The following BLNK variants were observed in gnomAD, a reference collection of about 807,000 sequenced individuals.
BLNK encodes B cell linker.
Under a neutral mutation model 73.5 loss-of-function variants are expected in BLNK, and 29 were observed. The observed-to-expected ratio is 0.39, with a 90% confidence interval of 0.29 to 0.54. The LOEUF (loss-of-function observed/expected upper bound fraction) is 0.54, where lower values mean the gene tolerates loss of function less well. Ranked by LOEUF, BLNK falls within the 20% of genes least tolerant of loss-of-function variation. The probability of loss-of-function intolerance (pLI) is 0.61; values close to 1 mark genes in which losing one functional copy is unlikely to be tolerated. For synonymous variants in BLNK, 176 were observed against 200.8 expected, an observed-to-expected ratio of 0.88 and a Z score of 1.04; for missense variants, 460 against 562.8, an observed-to-expected ratio of 0.82 and a Z score of 1.85.
intron 16 of BLNK, among the ~76,000 whole-genome samples, chr10:96,195,239 GA>G (rs2083436337): frequency 6.6e-6 from 1 of 152,030 alleles, no homozygotes; most frequent in African/African-American, 2.4e-5. Context: ...AACTGCTATG[GA>G]AAAAAGTATG....
intron 6 of BLNK, among the ~76,000 whole-genome samples, chr10:96,219,894 T>C (rs2134010507): frequency 6.6e-6 from 1 of 152,310 alleles, no homozygotes; most frequent in Middle Eastern, 3.4e-3. Context: ...CTGGCAGTTG[T>C]GCCAATAGGA....
intron 7 of BLNK, 152 bp from the exon 8 acceptor site, chr10:96,215,541 A>C: frequency 1.6e-6 from 1 of 611,208 alleles, no homozygotes; most frequent in East Asian, 2.9e-5. Context: ...TTAGACACAC[A>C]AACCAATAAA....
Position 96,227,559 on chromosome 10 carries a change from T to A in BLNK, c.212A>T (p.Asp71Val). The change falls in exon 5 of 17, where the codon GAC becomes GTC. Residue 71 changes from aspartate to valine, a missense_variant. Physicochemically the swap from Asp to Val is radical, Grantham distance 152 (BLOSUM62 -3). Transcript: ENST00000224337. ...EEQWSDDFDS[D>V]YENPDEHSDS... ...CGAGTGCTCATCTGGATTTTCATAG[T>A]CGCTGTCCTGCAAGTGCAGATGCAG... is the stretch of plus-strand genomic sequence containing the variant. 2.5e-6 allele frequency: 4 copies of A among 1,614,068 alleles called. No individual in the cohort carries two copies. The highest frequency in any genetic ancestry group is 3.4e-6 in the Non-Finnish European group (4 of 1,180,036).
At chr10:96,251,793 C>CTAAGTT (rs1319881802) in intron 1 of BLNK, among the ~76,000 whole-genome samples, 1 of 152,072 alleles carries the variant, frequency 6.6e-6, no homozygotes, top group East Asian at 1.9e-4. Flanking sequence ...TGAATTAAGA[C>CTAAGTT]ACGTAACTTA....
At chr10:96,195,953 A>G (rs1313046222) in intron 16 of BLNK, among the ~76,000 whole-genome samples, 1 of 152,234 alleles carries the variant, frequency 6.6e-6, no homozygotes, top group African/African-American at 2.4e-5. Context: ...GAAGCCAGTT[A>G]CTGTGCTCTG....
intron 3 of BLNK, among the ~76,000 whole-genome samples, 196 bp from the exon 4 acceptor site, chr10:96,231,030 TAGAG>T (rs1172444370): frequency 6.6e-6 from 1 of 152,224 alleles, no homozygotes; most frequent in African/African-American, 2.4e-5. Flanking sequence ...TCTCAAAGCA[TAGAG>T]AGAAGTCCCA....
intron 3 of BLNK, among the ~76,000 whole-genome samples, chr10:96,234,083 G>T (rs1842609122): frequency 6.6e-6 from 1 of 152,204 alleles, no homozygotes; most frequent in South Asian, 2.1e-4. Flanking sequence ...AGGCTACTTG[G>T]CTAGTGAGTT....
chr10:96,228,095 C>CT (rs11286890), intron 4 of BLNK, among the ~76,000 whole-genome samples: 123 of 115,420 alleles, frequency 1.1e-3, no homozygotes, highest in Admixed American at 1.5e-3. Context: ...TCTTTTTTTT[C>CT]TTTTTTTTTT....
chr10:96,213,300 G>C (rs1180543176), intron 8 of BLNK, among the ~76,000 whole-genome samples: 2 of 152,238 alleles, frequency 1.3e-5, no homozygotes, highest in African/African-American at 2.4e-5. Flanking sequence ...GCCAGGTAAA[G>C]CCTCCTGAGC....
At chr10:96,199,983 G>A in intron 15 of BLNK, 92 bp downstream of exon 15, 1 of 889,508 alleles carries the variant, frequency 1.1e-6, no homozygotes, top group Non-Finnish European at 1.5e-6. Flanking sequence ...AGCTGAGATC[G>A]AGCCACTGCA....
chr10:96,265,861 A>G (rs1843974981), intron 1 of BLNK, among the ~76,000 whole-genome samples: 1 of 152,236 alleles, frequency 6.6e-6, no homozygotes, highest in South Asian at 2.1e-4. Flanking sequence ...TGTACAATGT[A>G]GGATGTTTAG....
Position 96,201,051 on chromosome 10 carries a change from T to C in BLNK, c.942A>G (p.Thr314=). ...HQKPIPLPRF[T]EGGNPTVDGP... The stretch of plus-strand genomic sequence containing the variant: ...CATCCACAGTTGGGTTTCCCCCTTC[T>C]GTAAATCCTGAAAGGGATCAGAAAA... The change falls in exon 14 of 17, where the codon ACA becomes ACG. Residue 314 remains threonine, a synonymous_variant. Transcript: ENST00000224337. 6.2e-7 allele frequency: 1 copy of C among 1,613,932 alleles called. No individual in the cohort carries two copies. Among genetic ancestry groups the C allele is most frequent in the Non-Finnish European group, 8.5e-7 (1 of 1,179,794 alleles).
intron 3 of BLNK, among the ~76,000 whole-genome samples, chr10:96,240,818 G>T (rs187021748): frequency 6.6e-6 from 1 of 152,302 alleles, no homozygotes; most frequent in African/African-American, 2.4e-5. Flanking sequence ...AAGACTCCAT[G>T]ATTTTATAAT....
intron 1 of BLNK, among the ~76,000 whole-genome samples, chr10:96,268,083 A>G (rs1220032936): frequency 2.0e-5 from 3 of 152,206 alleles, no homozygotes; most frequent in African/African-American, 7.2e-5. Context: ...TCTTTAATCA[A>G]TAAGATAACT....
At chr10:96,232,968 G>A (rs1343085603) in intron 3 of BLNK, among the ~76,000 whole-genome samples, 7 of 151,978 alleles carry the variant, frequency 4.6e-5, no homozygotes, top group African/African-American at 1.7e-4. Flanking sequence ...ACCATGCCCA[G>A]CTAACTTTTG....
chr10:96,247,934 C>T (rs1322303867), intron 1 of BLNK, among the ~76,000 whole-genome samples: 1 of 152,154 alleles, frequency 6.6e-6, no homozygotes, highest in Non-Finnish European at 1.5e-5. Context: ...CAAGCCCATT[C>T]CTACTCTGTG....
intron 1 of BLNK, 23 bp from the exon 2 acceptor site, chr10:96,247,072 T>G (rs1162730641): frequency 1.3e-6 from 2 of 1,537,250 alleles, no homozygotes; most frequent in African/African-American, 1.4e-5. Flanking sequence ...AAATTAAACA[T>G]AAGATATTAA....
chr10:96,244,710 G>T (rs1251221197), intron 2 of BLNK, among the ~76,000 whole-genome samples: 2 of 152,166 alleles, frequency 1.3e-5, no homozygotes. Context: ...TAATTTCCAG[G>T]CTGAGAAGAA....
chr10:96,197,390 G>T (rs1285332824), intron 15 of BLNK, among the ~76,000 whole-genome samples: 20 of 152,068 alleles, frequency 1.3e-4, no homozygotes, highest in Admixed American at 9.2e-4. Context: ...CTACAGCCTG[G>T]AACTCCTGAG....
Sources: gnomAD v4.1 joint callset for allele counts (sites outside exome capture counted in the v4.1 genomes callset) on GRCh38, gnomAD v4.1.1 for gene constraint, MANE v1.5 for transcripts, NCBI Gene and HGNC (gene_info 2026-07-23, HGNC 2026-07-21) for gene names.